Variants in SLC12A9 observed in about 807,000 individuals in gnomAD.
SLC12A9 encodes solute carrier family 12 member 9.
A neutral mutation model predicts 66.0 loss-of-function variants in SLC12A9; 55 were observed. The observed-to-expected ratio is 0.83, with a 90% confidence interval of 0.67 to 1.04. The LOEUF (loss-of-function observed/expected upper bound fraction) is 1.04, where lower values mean the gene tolerates loss of function less well. SLC12A9 is among the 50% of genes least tolerant of loss of function. The pLI is 0.00. For missense variants in SLC12A9, 1,061 were observed against 1,241.9 expected (o/e 0.85, Z 2.19); for synonymous variants, 577 against 569.0 (o/e 1.01, Z -0.20).
Position 100,854,737 on chromosome 7 carries a change from A to G in SLC12A9, c.299A>G (p.Gln100Arg). ...GCCATCGCCACCAATGGAGCCGTGC[A>G]GGGGGGCGGAGCCTACTGTATCCTC... The part of the protein sequence containing the change: ...VCAIATNGAV[Q>R]GGGAYFMISR... The change falls in exon 3 of 14, where the codon CAG becomes CGG. Residue 100 changes from glutamine (Q) to arginine (R), a missense_variant. Physicochemically the swap from Gln to Arg is conservative, Grantham distance 43 (BLOSUM62 1). Transcript: ENST00000354161. 1 of 1,613,956 alleles carries G rather than the reference A, an allele frequency of 6.2e-7. No homozygotes were observed. The highest frequency in any genetic ancestry group is 8.5e-7 in the Non-Finnish European group (1 of 1,179,998).
At chr7:100,832,933 G>A (rs973528567) in intron 1 of SLC12A9, among the ~76,000 whole-genome samples, 1 of 151,802 alleles carries the variant, frequency 6.6e-6, no homozygotes, top group Non-Finnish European at 1.5e-5. Flanking sequence ...GTGCCACCAT[G>A]CCTAGCTAAT....
chr7:100,857,308 G>A (rs1814458521), intron 5 of SLC12A9, 132 bp downstream of exon 5: 1 of 1,031,252 alleles, frequency 9.7e-7, no homozygotes, highest in Non-Finnish European at 1.4e-6. Context: ...CTGCAGAGCA[G>A]TGCAATTTAA....
At chr7:100,848,424 G>T (rs1172919107), upstream of SLC12A9, among the ~76,000 whole-genome samples, 3 of 151,792 alleles carry the variant, frequency 2.0e-5, no homozygotes, top group African/African-American at 7.3e-5. Context: ...CTTGAGCCTG[G>T]GAGATAGAGG....
At chr7:100,839,697 C>T (rs567347285) in intron 1 of SLC12A9, among the ~76,000 whole-genome samples, 5 of 152,308 alleles carry the variant, frequency 3.3e-5, no homozygotes, top group East Asian at 1.9e-4. Context: ...CAGGAAGGAA[C>T]GGGCACTTAG....
Position 100,866,682 on chromosome 7 carries a change from A to C in SLC12A9, c.*77A>C. 5 of 1,392,442 alleles carry C rather than the reference A, an allele frequency of 3.6e-6. No individual in the cohort carries two copies. The highest frequency in any genetic ancestry group is 4.7e-6 in the Non-Finnish European group (5 of 1,062,602). 86.3% of individuals were successfully genotyped at this position (1,392,442 alleles called of 1,614,324 possible). Reference sequence around the variant, plus strand: ...TGATCCTTGGAGGAGGAGGAAGAGGAGGCCACTGTGGCCCGTGGCCCTGCC... The same window carrying C: ...TGATCCTTGGAGGAGGAGGAAGAGGCGGCCACTGTGGCCCGTGGCCCTGCC... On this transcript the variant is annotated 3_prime_UTR_variant, in exon 14 of 14. Transcript: ENST00000354161. This position sits in a 1 kb window ranked among gnomAD's most constrained non-coding sequence, Gnocchi z 7.3.
At position 100,861,584 on chromosome 7, in the gene SLC12A9, G is replaced by C; in HGVS notation, c.1536G>C (p.Gln512His). 2 of 1,612,454 alleles carry C rather than the reference G, an allele frequency of 1.2e-6. No individual in the cohort carries two copies. The highest frequency in any genetic ancestry group is 1.7e-6 in the Non-Finnish European group (2 of 1,179,146). Reference protein sequence around the residue: ...GYVSQALLFHQVRKYLLRLDV... With the variant: ...GYVSQALLFHHVRKYLLRLDV... ...TCAGCCAGGCCTTGCTTTTCCACCA[G>C]GTATGGGGAGCTGGTGGGGCGGTGG... The change falls in exon 11 of 14, where the codon CAG becomes CAC. Residue 512 changes from glutamine (Q) to histidine (H), a missense_variant and splice_region_variant. Transcript: ENST00000354161. The surrounding 1 kb of genome is among the most constrained non-coding windows in gnomAD (Gnocchi z 5.3).
intron 12 of SLC12A9, 54 bp from the exon 13 acceptor site, chr7:100,862,627 A>T: frequency 6.2e-7 from 1 of 1,603,540 alleles, no homozygotes; most frequent in Admixed American, 1.7e-5. Flanking sequence ...GGACTCTAGG[A>T]GACATTGAGT....
upstream of SLC12A9, among the ~76,000 whole-genome samples, chr7:100,850,527 A>G (rs1814042388): frequency 6.6e-6 from 1 of 151,652 alleles, no homozygotes; most frequent in African/African-American, 2.4e-5. Flanking sequence ...GGTGCAAGCT[A>G]CTACACCTTG....
At chr7:100,859,237 G>A (rs1199725576) in intron 7 of SLC12A9, 76 bp downstream of exon 7, 6 of 1,414,128 alleles carry the variant, frequency 4.2e-6, no homozygotes, top group Non-Finnish European at 5.9e-6. Context: ...ACACAGGCTG[G>A]GGGACTGGGA....
intron 12 of SLC12A9, 121 bp downstream of exon 12, chr7:100,862,032 T>C (rs1230675995): frequency 1.4e-5 from 15 of 1,056,676 alleles, no homozygotes; most frequent in Non-Finnish European, 1.9e-5. Context: ...CGATCTTGGC[T>C]CACTGCAACC....
At chr7:100,863,768 G>A (rs528440281) in intron 13 of SLC12A9, among the ~76,000 whole-genome samples, 6 of 152,308 alleles carry the variant, frequency 3.9e-5, no homozygotes, top group East Asian at 1.9e-4. Flanking sequence ...ACCAGTGCCC[G>A]TCACCAAAGT....
intron 9 of SLC12A9, chr7:100,860,899 T>C (rs1814706795): frequency 3.0e-6 from 2 of 658,868 alleles, no homozygotes; most frequent in South Asian, 1.7e-5. Context: ...ACTTTTGGGG[T>C]TTAATAGCAT....
chr7:100,839,849 T>A (rs1316848666), intron 1 of SLC12A9, among the ~76,000 whole-genome samples: 2 of 151,876 alleles, frequency 1.3e-5, no homozygotes, highest in Non-Finnish European at 2.9e-5. Context: ...GAGACCATCC[T>A]GGCTAACACG....
upstream of SLC12A9, among the ~76,000 whole-genome samples, chr7:100,849,669 C>G (rs1327178378): frequency 1.3e-5 from 2 of 151,384 alleles, no homozygotes; most frequent in East Asian, 2.0e-4. Flanking sequence ...GAGCTGAGAT[C>G]GCGCCACTGC....
chr7:100,831,109 C>T (rs1235652177), intron 1 of SLC12A9, among the ~76,000 whole-genome samples: 1 of 152,246 alleles, frequency 6.6e-6, no homozygotes, highest in Non-Finnish European at 1.5e-5. Flanking sequence ...ACTGCTATCA[C>T]ACGGTGCATT....
chr7:100,864,571 A>C (rs1814961837), intron 13 of SLC12A9, among the ~76,000 whole-genome samples: 1 of 150,822 alleles, frequency 6.6e-6, no homozygotes. Flanking sequence ...GTTGTTCAAA[A>C]ATTAAGAACG....
At chr7:100,833,942 A>AG (rs1554422969) in intron 1 of SLC12A9, among the ~76,000 whole-genome samples, 1 of 91,894 alleles carries the variant, frequency 1.1e-5, no homozygotes. Flanking sequence ...CAAAAAAAAA[A>AG]AAAAAAAAAA....
At chr7:100,851,118 A>T (rs1223714758), upstream of SLC12A9, among the ~76,000 whole-genome samples, 1 of 152,094 alleles carries the variant, frequency 6.6e-6, no homozygotes, top group African/African-American at 2.4e-5. Flanking sequence ...CAGCCTTCCA[A>T]AGTCCTGAGA....
intron 13 of SLC12A9, chr7:100,865,380 C>T (rs751109136): frequency 6.5e-6 from 10 of 1,536,168 alleles, no homozygotes; most frequent in Non-Finnish European, 7.8e-6. Flanking sequence ...GCATCCCCTG[C>T]CGTGAAACAG....
Sources: allele counts gnomAD v4.1 joint callset (sites outside exome capture counted in the v4.1 genomes callset), GRCh38; gene constraint gnomAD v4.1.1; non-coding constraint Gnocchi (gnomAD v3.1); transcripts MANE v1.5; gene names NCBI Gene and HGNC (gene_info 2026-07-23, HGNC 2026-07-21).